HTR2C: variants seen among roughly 807,000 people sequenced by gnomAD.
HTR2C encodes the protein 5-hydroxytryptamine receptor 2C.
HTR2C carries 5 observed loss-of-function variants against 21.0 expected under a neutral mutation model. That is an observed-to-expected ratio of 0.24 (90% CI 0.12 to 0.50). The LOEUF is 0.50. Among genes scored for constraint, HTR2C ranks in the 20% least tolerant of loss-of-function variants. HTR2C has a pLI of 0.98. For missense variants in HTR2C, 271 were observed against 371.2 expected, an observed-to-expected ratio of 0.73 and a Z score of 2.22; for synonymous variants, 150 against 145.3, an observed-to-expected ratio of 1.03 and a Z score of -0.23.
intron 5 of HTR2C, among the ~76,000 whole-genome samples, chrX:114,894,996 GGT>G (rs1480881437): frequency 1.8e-5 from 2 of 111,514 alleles, no homozygotes; most frequent in African/African-American, 6.5e-5. Flanking sequence ...TGGGATTACA[GGT>G]GTGAGTCACT....
intron 2 of HTR2C, chrX:114,717,807 A>T (rs1556419988): frequency 9.0e-6 from 1 of 111,491 alleles, no homozygotes; most frequent in African/African-American, 3.3e-5. Flanking sequence ...TTATTCTTAG[A>T]TAGTATCTTT....
chrX:114,694,848 C>A (rs370658221), intron 2 of HTR2C, among the ~76,000 whole-genome samples: 70 of 111,285 alleles, frequency 6.3e-4, no homozygotes, highest in African/African-American at 2.2e-3. Context: ...TATTTCTAAC[C>A]AATAATCTAA....
rs1491126274 is a variant in HTR2C at position 114,806,341 on chromosome X, A to ATATATATACCG, written c.350-41653_350-41652insCGTATATATAC. Among the ~76,000 whole-genome samples the ATATATATACCG allele has an allele frequency of 1.2e-3, 98 of 81,150 alleles. 1 individual carries two copies. Among genetic ancestry groups the ATATATATACCG allele is most frequent in the African/African-American group, 4.5e-3 (91 of 20,290 alleles). The allele number at this position is 81,150 out of a possible 115,157, so 70.5% of individuals were successfully genotyped here. On this transcript the variant is annotated intron_variant, in intron 4 of 5. Coordinates refer to ENST00000276198, the MANE Select transcript of HTR2C (RefSeq NM_000868.4). The stretch of plus-strand genomic sequence containing the variant: ...CATATATACACCATATATATACACC[A>ATATATATACCG]TATATATACACACCATATATATACC...
chrX:114,681,846 C>T (rs1931757642), intron 2 of HTR2C, among the ~76,000 whole-genome samples: 1 of 111,168 alleles, frequency 9.0e-6, no homozygotes, highest in Non-Finnish European at 1.9e-5. Context: ...TTCCTCTCTG[C>T]CTGTGTGCTT....
At chrX:114,723,158 C>G (rs1426265075) in intron 2 of HTR2C, among the ~76,000 whole-genome samples, 49 of 110,503 alleles carry the variant, frequency 4.4e-4, no homozygotes, top group Admixed American at 3.8e-4. Flanking sequence ...ACTCTTTTTG[C>G]TTGGTAAGCT....
At chrX:114,838,346 TG>T (rs2147479819) in intron 4 of HTR2C, among the ~76,000 whole-genome samples, 1 of 112,112 alleles carries the variant, frequency 8.9e-6, no homozygotes, top group East Asian at 2.8e-4. Flanking sequence ...TATAATTTTT[TG>T]TTTCCAAGTG....
intron 2 of HTR2C, among the ~76,000 whole-genome samples, chrX:114,699,052 T>G (rs1569484938): frequency 8.9e-6 from 1 of 111,907 alleles, no homozygotes; most frequent in Admixed American, 9.5e-5. Flanking sequence ...AGTATTAGAA[T>G]TCTGCCCCAG....
At chrX:114,764,224 C>T (rs781821379) in intron 4 of HTR2C, among the ~76,000 whole-genome samples, 1 of 110,195 alleles carries the variant, frequency 9.1e-6, no homozygotes, top group Admixed American at 9.7e-5. Flanking sequence ...CATGAAGAAA[C>T]CCTGTCTTTA....
rs1357040041 is a variant in HTR2C, at chrX:114,908,191, T to A, written c.*776T>A. ...AGCAAACTGAAATTAGTGTTTTCAT[T>A]CTGGTCCTTAGTAAATTCCTAATTC... On this transcript the variant is annotated 3_prime_UTR_variant, in exon 6 of 6. Transcript: ENST00000276198. The A allele has an allele frequency of 8.9e-6, 1 of 112,464 alleles. No homozygotes were observed. The highest frequency in any genetic ancestry group is 1.9e-5 in the Non-Finnish European group (1 of 53,170). The allele number at this position is 112,464 out of a possible 1,213,427, so 9.3% of individuals were successfully genotyped here. A position where few individuals can be genotyped will look rare whatever the true frequency, so the allele number is the denominator to read the frequency against.
At chrX:114,825,748 G>T (rs1317808214) in intron 4 of HTR2C, among the ~76,000 whole-genome samples, 1 of 111,415 alleles carries the variant, frequency 9.0e-6, no homozygotes, top group Non-Finnish European at 1.9e-5. Flanking sequence ...TTCTACTTTT[G>T]ATTTCTTCTT....
At chrX:114,660,676 T>C (rs1930950936) in intron 2 of HTR2C, among the ~76,000 whole-genome samples, 2 of 112,409 alleles carry the variant, frequency 1.8e-5, no homozygotes, top group South Asian at 7.2e-4. Context: ...ACCTTTAATA[T>C]TGCACACTGA....
intron 2 of HTR2C, among the ~76,000 whole-genome samples, chrX:114,629,640 A>G (rs903477650): frequency 9.9e-5 from 11 of 111,580 alleles, no homozygotes; most frequent in Non-Finnish European, 1.9e-4. Context: ...AAAATCGAAC[A>G]TTCACAATCT....
In HTR2C at chrX:114,586,544, G is replaced by A. The variant is rs1927404426; in HGVS notation, c.-147+1885G>A. Among the ~76,000 whole-genome samples, 6 of 111,269 alleles carry A rather than the reference G, an allele frequency of 5.4e-5. No homozygotes were observed. In the South Asian group the frequency reaches 2.3e-3, roughly 42 times the overall value. On this transcript the variant is annotated intron_variant, in intron 1 of 5. Coordinates refer to ENST00000276198, the MANE Select transcript of HTR2C (RefSeq NM_000868.4). ...AAGGCTTGTTGATTGCAATGTCAAG[G>A]TAGGATTTGGGGTGCTTTAGCAAAA...
chrX:114,612,920 T>TTTTTA lies in HTR2C; in HGVS notation c.-146-870_-146-866dup, dbSNP rs782037345. ...AGCAGCCCTGAGGGCTGCTGATTGTTTTTTATTTTATTTTATTTTATTTTA... is the reference window on the plus strand; with the variant it reads ...AGCAGCCCTGAGGGCTGCTGATTGTTTTTTATTTTATTTTATTTTATTTTATTTTA... On this transcript the variant is annotated intron_variant, in intron 1 of 5. Coordinates refer to ENST00000276198, the MANE Select transcript of HTR2C (RefSeq NM_000868.4). Among the ~76,000 whole-genome samples the TTTTTA allele has an allele frequency of 9.6e-3, 1,053 of 109,183 alleles. 7 individuals carry two copies. The highest frequency in any genetic ancestry group is 0.016 in the Non-Finnish European group (866 of 52,719). 94.8% of individuals were successfully genotyped at this position (109,183 alleles called of 115,157 possible).
At chrX:114,795,005 T>C (rs1471035102) in intron 4 of HTR2C, among the ~76,000 whole-genome samples, 3 of 108,610 alleles carry the variant, frequency 2.8e-5, no homozygotes, top group Admixed American at 2.0e-4. Flanking sequence ...AGTGTAAAAG[T>C]GTTCCTATTT....
chrX:114,599,168 G>A (rs148171442), intron 1 of HTR2C, among the ~76,000 whole-genome samples: 1,333 of 87,948 alleles, frequency 0.015, 15 homozygotes, highest in African/African-American at 0.052. Context: ...GTTAATACAA[G>A]TATGTGAATA....
chrX:114,722,633 A>C (rs1413245098), intron 2 of HTR2C, among the ~76,000 whole-genome samples: 5 of 103,570 alleles, frequency 4.8e-5, no homozygotes, highest in African/African-American at 1.4e-4. Context: ...CCCATTCAGT[A>C]TGATATTGGC....
intron 4 of HTR2C, among the ~76,000 whole-genome samples, chrX:114,746,991 A>C (rs1235458909): frequency 9.0e-6 from 1 of 110,952 alleles, no homozygotes; most frequent in Non-Finnish European, 1.9e-5. Context: ...TCTCAAAAAA[A>C]AAGAAAGAGA....
At chrX:114,816,053 A>C (rs984882263) in intron 4 of HTR2C, among the ~76,000 whole-genome samples, 2 of 111,358 alleles carry the variant, frequency 1.8e-5, no homozygotes, top group Admixed American at 1.9e-4. Flanking sequence ...TATATCATAC[A>C]CAGTACTCCC....
Sources: allele counts gnomAD v4.1 joint callset (sites outside exome capture counted in the v4.1 genomes callset), GRCh38; gene constraint gnomAD v4.1.1; transcripts MANE v1.5; gene names NCBI Gene and HGNC (gene_info 2026-07-23, HGNC 2026-07-21).